The following CHCHD6 variants were observed in gnomAD, a reference collection of about 807,000 sequenced individuals.
CHCHD6 encodes the protein coiled-coil-helix-coiled-coil-helix domain containing 6, also known as MICOS complex subunit MIC25.
CHCHD6 carries 28 observed loss-of-function variants against 32.3 expected under a neutral mutation model. The ratio of observed to expected loss-of-function variants is 0.87; its 90% confidence interval spans 0.64 to 1.19. The LOEUF (loss-of-function observed/expected upper bound fraction) is 1.19, where lower values mean the gene tolerates loss of function less well. CHCHD6 is among the 50% of genes most tolerant of loss of function. The pLI, the probability that CHCHD6 is intolerant of heterozygous loss-of-function variation, is 0.00. For synonymous variants in CHCHD6, 122 were observed against 117.5 expected, an observed-to-expected ratio of 1.04 and a Z score of -0.25; for missense variants, 333 against 307.0, an observed-to-expected ratio of 1.08 and a Z score of -0.63.
chr3:126,870,531 G>A (rs2077451692), intron 5 of CHCHD6, among the ~76,000 whole-genome samples: 1 of 151,946 alleles, frequency 6.6e-6, no homozygotes, highest in Admixed American at 6.6e-5. Context: ...CTGGTGCCTG[G>A]GTTGGGCTGG....
chr3:126,710,936 G>A (rs535042052), intron 1 of CHCHD6, among the ~76,000 whole-genome samples: 1 of 152,030 alleles, frequency 6.6e-6, no homozygotes, highest in East Asian at 1.9e-4. Flanking sequence ...TCTTGCTTTG[G>A]CTAGGATCTC....
At chr3:126,817,651 C>T (rs1474850209) in intron 4 of CHCHD6, among the ~76,000 whole-genome samples, 1 of 152,196 alleles carries the variant, frequency 6.6e-6, no homozygotes, top group African/African-American at 2.4e-5. Flanking sequence ...TTTTCACTCT[C>T]CCTCTGCTGA....
chr3:126,959,314 C>T (rs971109656), intron 7 of CHCHD6, among the ~76,000 whole-genome samples: 2 of 152,246 alleles, frequency 1.3e-5, no homozygotes, highest in Admixed American at 1.3e-4. Flanking sequence ...AGAGGCCTGC[C>T]TGCTCTCCCC....
intron 4 of CHCHD6, among the ~76,000 whole-genome samples, chr3:126,805,271 G>A (rs1028456199): frequency 2.6e-5 from 4 of 152,214 alleles, no homozygotes; most frequent in African/African-American, 9.6e-5. Flanking sequence ...GTCCCTGTTT[G>A]CAGACGACAT....
In CHCHD6 at chr3:126,835,408, C is replaced by CA. The variant is rs773489998; in HGVS notation, c.412-17238dup. ...GCCACTTCTCTGACTCCCTTAACCT[C>CA]ACGGCTCTCCAGAGAACCTTTCTGA... On this transcript the variant is annotated intron_variant, in intron 4 of 7. Transcript: ENST00000290913. Among the ~76,000 whole-genome samples, 6 of 152,300 alleles carry CA rather than the reference C, an allele frequency of 3.9e-5. No individual in the cohort carries two copies. In the South Asian group the frequency reaches 1.2e-3, roughly 32 times the overall value.
chr3:126,774,792 A>G (rs1937605925), intron 4 of CHCHD6, among the ~76,000 whole-genome samples: 1 of 152,220 alleles, frequency 6.6e-6, no homozygotes, highest in South Asian at 2.1e-4. Flanking sequence ...AGGCTGGAGC[A>G]GTGTACTTGT....
chr3:126,764,901 C>A (rs548798223), intron 4 of CHCHD6, among the ~76,000 whole-genome samples: 1 of 152,250 alleles, frequency 6.6e-6, no homozygotes, highest in South Asian at 2.1e-4. Context: ...ACACAGAACA[C>A]GAGATGCACG....
intron 6 of CHCHD6, among the ~76,000 whole-genome samples, chr3:126,944,429 A>G (rs1027837217): frequency 6.6e-6 from 1 of 152,268 alleles, no homozygotes; most frequent in Non-Finnish European, 1.5e-5. Flanking sequence ...CCTGCATAGT[A>G]TTCTGTGAGG....
intron 4 of CHCHD6, among the ~76,000 whole-genome samples, chr3:126,799,868 A>G (rs1015500495): frequency 6.6e-6 from 1 of 152,166 alleles, no homozygotes; most frequent in Non-Finnish European, 1.5e-5. Flanking sequence ...GTCTTACTTC[A>G]TATGTTGTTT....
intron 6 of CHCHD6, among the ~76,000 whole-genome samples, chr3:126,924,646 T>G (rs941182884): frequency 6.6e-6 from 1 of 152,224 alleles, no homozygotes; most frequent in Non-Finnish European, 1.5e-5. Flanking sequence ...AGGGCTTGGC[T>G]TCTGACCCTC....
chr3:126,863,371 T>C (rs1234941490), intron 5 of CHCHD6, among the ~76,000 whole-genome samples: 7 of 114,912 alleles, frequency 6.1e-5, no homozygotes, highest in Non-Finnish European at 8.9e-5. Context: ...CACCACCTCC[T>C]CCTCCTCCTC....
chr3:126,958,531 G>T (rs2107611384), intron 7 of CHCHD6, among the ~76,000 whole-genome samples: 1 of 152,288 alleles, frequency 6.6e-6, no homozygotes, highest in South Asian at 2.1e-4. Flanking sequence ...ACTGAGCGGG[G>T]TCCTGCAGCC....
chr3:126,898,310 G>C (rs142347185), intron 5 of CHCHD6, among the ~76,000 whole-genome samples: 23 of 152,336 alleles, frequency 1.5e-4, no homozygotes, highest in Non-Finnish European at 2.8e-4. Flanking sequence ...TTATTCCCCA[G>C]CTGGGAAGTC....
chr3:126,707,825 T>G (rs532768860), intron 1 of CHCHD6, among the ~76,000 whole-genome samples: 1 of 152,364 alleles, frequency 6.6e-6, no homozygotes, highest in Non-Finnish European at 1.5e-5. Flanking sequence ...AGAGAGGCCG[T>G]GTGCCAGAGC....
rs111441970 is a variant in CHCHD6, at chr3:126,900,782, T to C, written c.496-13898T>C. Reference sequence around the variant, plus strand: ...ACCACGCCTGGCTGATTTTGTATTTTTAGTGGAAACGGGGTTTCTCCATGT... The same window carrying C: ...ACCACGCCTGGCTGATTTTGTATTTCTAGTGGAAACGGGGTTTCTCCATGT... On this transcript the variant is annotated intron_variant, in intron 5 of 7. Transcript: ENST00000290913. Among the ~76,000 whole-genome samples, 527 of 152,122 alleles carry C rather than the reference T, an allele frequency of 3.5e-3. 1 individual carries two copies. Among genetic ancestry groups the C allele is most frequent in the African/African-American group, 0.012 (497 of 41,484 alleles).
chr3:126,780,562 C>T (rs1032854878), intron 4 of CHCHD6: 11 of 184,482 alleles, frequency 6.0e-5, no homozygotes, highest in South Asian at 9.6e-5. Flanking sequence ...CCCTTATCTT[C>T]GCCTGATTCT....
At chr3:126,793,420 A>G (rs532427186) in intron 4 of CHCHD6, among the ~76,000 whole-genome samples, 7 of 152,196 alleles carry the variant, frequency 4.6e-5, no homozygotes, top group Non-Finnish European at 8.8e-5. Context: ...ATGGATCATG[A>G]TATACCTACT....
intron 4 of CHCHD6, among the ~76,000 whole-genome samples, chr3:126,736,960 A>C (rs569757934): frequency 6.6e-6 from 1 of 152,174 alleles, no homozygotes; most frequent in African/African-American, 2.4e-5. Context: ...GAGATTTACA[A>C]CCTTGCCTGT....
At chr3:126,862,273 T>A in intron 5 of CHCHD6, among the ~76,000 whole-genome samples, 1 of 122,668 alleles carries the variant, frequency 8.2e-6, no homozygotes, top group Non-Finnish European at 1.7e-5. Context: ...CACCTCCTCC[T>A]CCTCTACCAT....
Sources: allele counts gnomAD v4.1 joint callset (sites outside exome capture counted in the v4.1 genomes callset), GRCh38; gene constraint gnomAD v4.1.1; transcripts MANE v1.5; gene names NCBI Gene and HGNC (gene_info 2026-07-23, HGNC 2026-07-21).